The following ADAMTSL1 variants were observed in gnomAD, a reference collection of about 807,000 sequenced individuals.
The protein encoded by ADAMTSL1 is ADAMTS-like protein 1.
In ADAMTSL1, 126 loss-of-function variants were observed where a neutral mutation model predicts 201.8. That is an observed-to-expected ratio of 0.62 (90% CI 0.54 to 0.72). The LOEUF (loss-of-function observed/expected upper bound fraction) is 0.72. Among genes scored for constraint, ADAMTSL1 ranks in the 30% least tolerant of loss-of-function variants. ADAMTSL1 has a pLI of 0.00. For missense variants in ADAMTSL1, 2,679 were observed against 2,277.8 expected, an observed-to-expected ratio of 1.18 and a Z score of -3.59; for synonymous variants, 1,121 against 903.4, an observed-to-expected ratio of 1.24 and a Z score of -4.32.
intron 7 of ADAMTSL1, among the ~76,000 whole-genome samples, chr9:18,641,744 C>A (rs750661132): frequency 2.0e-5 from 3 of 151,848 alleles, no homozygotes; most frequent in Non-Finnish European, 4.4e-5. Context: ...AATGAAACAA[C>A]TTTCTCTTCC....
At chr9:18,226,059 G>C (rs746765360) in intron 2 of ADAMTSL1, among the ~76,000 whole-genome samples, 10 of 152,028 alleles carry the variant, frequency 6.6e-5, no homozygotes, top group Admixed American at 2.6e-4. Context: ...TATTAATTTA[G>C]GTTAATATTT....
At chr9:18,102,515 C>G (rs891086789) in intron 1 of ADAMTSL1, among the ~76,000 whole-genome samples, 8 of 152,136 alleles carry the variant, frequency 5.3e-5, no homozygotes, top group African/African-American at 1.9e-4. Context: ...GTCACTTCTA[C>G]TTGAAGGATT....
intron 1 of ADAMTSL1, among the ~76,000 whole-genome samples, chr9:18,088,072 A>G (rs1023536400): frequency 9.9e-5 from 15 of 152,210 alleles, no homozygotes; most frequent in African/African-American, 3.6e-4. Context: ...CCAATGGAAC[A>G]GAATAGAGAA....
intron 1 of ADAMTSL1, among the ~76,000 whole-genome samples, chr9:17,932,145 T>G (rs138376281): frequency 6.6e-6 from 1 of 152,252 alleles, no homozygotes; most frequent in African/African-American, 2.4e-5. Context: ...GAATGCTAAT[T>G]GGGTGGGATT....
At chr9:18,331,699 C>T (rs1412438750) in intron 2 of ADAMTSL1, among the ~76,000 whole-genome samples, 2 of 152,162 alleles carry the variant, frequency 1.3e-5, no homozygotes, top group Non-Finnish European at 2.9e-5. Context: ...ATCCTATTGC[C>T]ACCTTTCCTT....
At chr9:18,801,116 T>C (rs1000859285) in intron 20 of ADAMTSL1, among the ~76,000 whole-genome samples, 3 of 152,168 alleles carry the variant, frequency 2.0e-5, no homozygotes, top group Admixed American at 2.0e-4. Flanking sequence ...CCCTGTAATA[T>C]TTATGCTGAA....
At chr9:18,402,928 C>T (rs143973764) in intron 2 of ADAMTSL1, among the ~76,000 whole-genome samples, 67 of 152,254 alleles carry the variant, frequency 4.4e-4, no homozygotes, top group Middle Eastern at 3.4e-3. Context: ...ACTCAACGTG[C>T]ATTCTCATTT....
intron 2 of ADAMTSL1, among the ~76,000 whole-genome samples, chr9:18,340,592 T>C (rs1433837960): frequency 2.0e-5 from 3 of 152,190 alleles, no homozygotes; most frequent in Non-Finnish European, 4.4e-5. Flanking sequence ...CCTTTAATTG[T>C]AGTAATCTCC....
intron 26 of ADAMTSL1, among the ~76,000 whole-genome samples, chr9:18,904,314 T>C (rs538117934): frequency 6.6e-6 from 1 of 151,874 alleles, no homozygotes; most frequent in Admixed American, 6.6e-5. Flanking sequence ...ACTAAAAATA[T>C]AAAAATTAGC....
chr9:18,356,658 A>T lies in ADAMTSL1; in HGVS notation c.208-148171A>T, dbSNP rs1836256102. ...ACACAACTTTCCTACTTCATTTTGC[A>T]CTACTTTCTAGAAGGTATTAAAATG... On this transcript the variant is annotated intron_variant, in intron 2 of 29. Transcript: ENST00000680146. Among the ~76,000 whole-genome samples, 3 of 149,902 alleles carry T rather than the reference A, an allele frequency of 2.0e-5. No homozygotes were observed. The South Asian group carries it at 6.4e-4, about 32-fold the overall frequency.
At chr9:18,276,133 T>C (rs1028669252) in intron 2 of ADAMTSL1, among the ~76,000 whole-genome samples, 4 of 151,100 alleles carry the variant, frequency 2.6e-5, no homozygotes, top group Non-Finnish European at 5.9e-5. Context: ...TTGCCATTTG[T>C]ATATTTTTTT....
Position 18,052,443 on chromosome 9 carries a change from G to C in ADAMTSL1, c.88-111419G>C, listed in dbSNP as rs112749229. On this transcript the variant is annotated intron_variant, in intron 1 of 29. Transcript: ENST00000680146. ...GTTGAGCCAATGGAGAGATGGGGGA[G>C]AAGGTTCTAGGCAGAGAAACCAGTG... is the stretch of plus-strand genomic sequence containing the variant. Among the ~76,000 whole-genome samples, 1,288 of 152,292 alleles carry C rather than the reference G, an allele frequency of 8.5e-3. 7 individuals are homozygous for C. Among genetic ancestry groups the C allele is most frequent in the Middle Eastern group, 0.048 (14 of 294 alleles).
chr9:18,152,706 C>T (rs975008167), intron 1 of ADAMTSL1, among the ~76,000 whole-genome samples: 2 of 151,602 alleles, frequency 1.3e-5, no homozygotes, highest in Admixed American at 6.6e-5. Context: ...GGGTGGAAGA[C>T]GAGCCTTGGT....
chr9:18,586,489 A>T (rs1466019159), intron 4 of ADAMTSL1, among the ~76,000 whole-genome samples: 1 of 152,220 alleles, frequency 6.6e-6, no homozygotes, highest in African/African-American at 2.4e-5. Flanking sequence ...GGATAGGAAG[A>T]ATCAGTATCA....
intron 1 of ADAMTSL1, among the ~76,000 whole-genome samples, chr9:18,144,587 C>G (rs1273935941): frequency 6.6e-6 from 1 of 152,140 alleles, no homozygotes; most frequent in Non-Finnish European, 1.5e-5. Context: ...TTCAGTGCCC[C>G]TTACATTCTT....
At chr9:18,090,148 T>C (rs1272456723) in intron 1 of ADAMTSL1, among the ~76,000 whole-genome samples, 18 of 152,232 alleles carry the variant, frequency 1.2e-4, no homozygotes, top group Admixed American at 9.2e-4. Context: ...AAATTGCTGG[T>C]AGGAATATAA....
chr9:18,032,866 C>G (rs1341530311), intron 1 of ADAMTSL1, among the ~76,000 whole-genome samples: 1 of 148,428 alleles, frequency 6.7e-6, no homozygotes, highest in Admixed American at 6.7e-5. Context: ...GACCAGCAAC[C>G]TGTCCTGGTG....
chr9:18,704,019 A>G (rs1051054237), intron 13 of ADAMTSL1, among the ~76,000 whole-genome samples: 16 of 152,084 alleles, frequency 1.1e-4, no homozygotes, highest in African/African-American at 3.9e-4. Context: ...AGAGATGGAA[A>G]CTAAGACCTA....
chr9:18,729,537 T>A (rs1818089484), intron 15 of ADAMTSL1, among the ~76,000 whole-genome samples: 1 of 152,202 alleles, frequency 6.6e-6, no homozygotes, highest in South Asian at 2.1e-4. Flanking sequence ...ATGGTGTTTG[T>A]TTATGTGTAA....
Sources: allele counts gnomAD v4.1 joint callset (sites outside exome capture counted in the v4.1 genomes callset), GRCh38; gene constraint gnomAD v4.1.1; transcripts MANE v1.5; gene names NCBI Gene and HGNC (gene_info 2026-07-23, HGNC 2026-07-21).